SLC60A1: variants seen among roughly 807,000 people sequenced by gnomAD.
SLC60A1 encodes major facilitator superfamily domain containing 4.
the SLC60A1 span, among the ~76,000 whole-genome samples, chr1:205,590,859 A>G: frequency 6.6e-6 from 1 of 152,324 alleles, no homozygotes; most frequent in South Asian, 2.1e-4. Flanking sequence ...TAGGACTCAT[A>G]TTTGTCTGAA....
the SLC60A1 span, among the ~76,000 whole-genome samples, chr1:205,573,491 C>T: frequency 4.6e-5 from 7 of 151,840 alleles, no homozygotes; most frequent in African/African-American, 1.7e-4. Context: ...GAATGAGATA[C>T]TGACACATGC....
the SLC60A1 span, among the ~76,000 whole-genome samples, chr1:205,591,639 G>C: frequency 6.6e-6 from 1 of 152,140 alleles, no homozygotes; most frequent in East Asian, 1.9e-4. Flanking sequence ...AGGATTCCCA[G>C]AGGATGGGAC....
At chr1:205,598,063 G>A in the SLC60A1 span, 31 of 519,258 alleles carry the variant, frequency 6.0e-5, no homozygotes, top group South Asian at 6.5e-4. Context: ...AGATGTAAAC[G>A]GATGCATGGA....
the SLC60A1 span, chr1:205,579,840 T>C: frequency 6.2e-7 from 1 of 1,614,158 alleles, no homozygotes; most frequent in African/African-American, 1.3e-5. Flanking sequence ...GACGTGAAGG[T>C]GCTGGCCTCA....
chr1:205,569,212 G>A, the SLC60A1 span: 16 of 1,559,008 alleles, frequency 1.0e-5, no homozygotes, highest in Non-Finnish European at 1.3e-5. Flanking sequence ...CAGACGCACA[G>A]CTCGCTGCCC....
the SLC60A1 span, chr1:205,597,497 T>G: frequency 3.9e-6 from 1 of 255,252 alleles, no homozygotes; most frequent in Non-Finnish European, 7.7e-6. Flanking sequence ...CGAGGGACCC[T>G]CCTACCTTAG....
the SLC60A1 span, among the ~76,000 whole-genome samples, chr1:205,582,581 G>A: frequency 2.0e-5 from 3 of 152,178 alleles, no homozygotes; most frequent in African/African-American, 4.8e-5. Context: ...GAGCGATCAC[G>A]CCTCTTGTAC....
the SLC60A1 span, among the ~76,000 whole-genome samples, chr1:205,593,360 A>G: frequency 7.3e-6 from 1 of 136,696 alleles, no homozygotes; most frequent in African/African-American, 2.8e-5. Flanking sequence ...AGTCCCAGCT[A>G]CTCGGGAGGC....
chr1:205,577,921 C>T, the SLC60A1 span, among the ~76,000 whole-genome samples: 1 of 152,190 alleles, frequency 6.6e-6, no homozygotes, highest in Non-Finnish European at 1.5e-5. The surrounding 1 kb of genome is among the most constrained non-coding windows in gnomAD (Gnocchi z 5.2). Flanking sequence ...GTCATATGAA[C>T]CAAGTGACAA....
chr1:205,580,613 C>T, the SLC60A1 span: 1 of 1,595,674 alleles, frequency 6.3e-7, no homozygotes, highest in Non-Finnish European at 8.5e-7. The surrounding 1 kb of genome is among the most constrained non-coding windows in gnomAD (Gnocchi z 5.0). Context: ...CTTCCCCGGG[C>T]TGAAGACTGA....
At chr1:205,572,640 C>T in the SLC60A1 span, among the ~76,000 whole-genome samples, 3 of 152,130 alleles carry the variant, frequency 2.0e-5, no homozygotes, top group African/African-American at 7.2e-5. Flanking sequence ...GACAAACCAG[C>T]TTCTCCCCTT....
At chr1:205,590,245 A>C in the SLC60A1 span, among the ~76,000 whole-genome samples, 1 of 152,206 alleles carries the variant, frequency 6.6e-6, no homozygotes. Context: ...GAAGAGCCAG[A>C]AGAGAATCCT....
the SLC60A1 span, among the ~76,000 whole-genome samples, chr1:205,595,689 G>A: frequency 6.6e-6 from 1 of 152,152 alleles, no homozygotes; most frequent in Non-Finnish European, 1.5e-5. Flanking sequence ...CTGTAAAATG[G>A]GGATGCAAAT....
At chr1:205,569,866 G>A in the SLC60A1 span, among the ~76,000 whole-genome samples, 1 of 152,056 alleles carries the variant, frequency 6.6e-6, no homozygotes, top group South Asian at 2.1e-4. Context: ...CCCTTCCCCC[G>A]GGTAGCCACG....
At chr1:205,583,907 G>T in the SLC60A1 span, 1 of 1,587,872 alleles carries the variant, frequency 6.3e-7, no homozygotes, top group Non-Finnish European at 8.5e-7. Flanking sequence ...GGCGTGGGAA[G>T]GGGGAGCTTC....
chr1:205,600,253 C>T, the SLC60A1 span: 3 of 655,364 alleles, frequency 4.6e-6, no homozygotes, highest in Non-Finnish European at 7.6e-6. Context: ...CAACTGTTCG[C>T]CAGAACTAGG....
chr1:205,573,025 G>A, the SLC60A1 span, among the ~76,000 whole-genome samples: 22 of 152,334 alleles, frequency 1.4e-4, no homozygotes, highest in Non-Finnish European at 1.3e-4. Context: ...CTACCTGAGA[G>A]GCTGAGGTGG....
chr1:205,569,103 C>T, the SLC60A1 span: 9 of 1,514,068 alleles, frequency 5.9e-6, no homozygotes, highest in African/African-American at 8.6e-5. Flanking sequence ...GGGGCTGCTC[C>T]GCCGCAACCT....
At chr1:205,598,209 A>T in the SLC60A1 span, 3 of 195,344 alleles carry the variant, frequency 1.5e-5, no homozygotes, top group East Asian at 4.3e-4. Flanking sequence ...GGAACCCACC[A>T]CTCCCTACCC....
Sources: allele counts gnomAD v4.1 joint callset (sites outside exome capture counted in the v4.1 genomes callset), GRCh38; gene constraint gnomAD v4.1.1; non-coding constraint Gnocchi (gnomAD v3.1); transcripts MANE v1.5; gene names NCBI Gene and HGNC (gene_info 2026-07-23, HGNC 2026-07-21).